Variants in TENM1 observed in about 807,000 individuals in gnomAD.
The protein encoded by TENM1 is teneurin-1.
A neutral mutation model predicts 174.8 loss-of-function variants in TENM1; 35 were observed. The ratio of observed to expected loss-of-function variants is 0.20; its 90% CI spans 0.15 to 0.27. The LOEUF (loss-of-function observed/expected upper bound fraction) is 0.27. Ranked by LOEUF, TENM1 falls within the 10% of genes least tolerant of loss-of-function variation. The probability of loss-of-function intolerance (pLI) is 1.00; values close to 1 mark genes in which losing one functional copy is unlikely to be tolerated. For missense variants in TENM1, 1,633 were observed against 2,130.1 expected (o/e 0.77, Z 4.59); for synonymous variants, 781 against 798.7 (o/e 0.98, Z 0.37).
intron 5 of TENM1, among the ~76,000 whole-genome samples, chrX:124,691,187 C>CTA (rs2148471597): frequency 9.0e-6 from 1 of 111,492 alleles, no homozygotes; most frequent in African/African-American, 3.3e-5. Flanking sequence ...AATGAGCCTA[C>CTA]TAAGTAAAGT....
chrX:124,809,018 G>A (rs1284797321), intron 3 of TENM1, among the ~76,000 whole-genome samples: 1 of 111,139 alleles, frequency 9.0e-6, no homozygotes, highest in Non-Finnish European at 1.9e-5. Context: ...AAAAACAACT[G>A]AAAAGATGAA....
intron 22 of TENM1, among the ~76,000 whole-genome samples, chrX:124,480,515 G>T: frequency 8.9e-6 from 1 of 112,175 alleles, no homozygotes; most frequent in Non-Finnish European, 1.9e-5. Flanking sequence ...ATAATACATT[G>T]TGTAAAACAG....
At chrX:124,804,783 C>T (rs1379765272) in intron 3 of TENM1, among the ~76,000 whole-genome samples, 1 of 111,667 alleles carries the variant, frequency 9.0e-6, no homozygotes, top group Non-Finnish European at 1.9e-5. Context: ...TATTCTATTT[C>T]GAGATATAGA....
the TENM1 span, among the ~76,000 whole-genome samples, chrX:124,977,166 A>G: frequency 9.0e-6 from 1 of 111,721 alleles, no homozygotes; most frequent in Non-Finnish European, 1.9e-5. Flanking sequence ...ACTAAAGATT[A>G]AATGCCCTTT....
rs753639585 is a variant in TENM1 at position 124,807,751 on chromosome X, C to T, written c.536-70554G>A. Among the ~76,000 whole-genome samples the T allele has an allele frequency of 2.7e-5, 3 of 110,875 alleles. No homozygotes were observed. In the South Asian group the frequency reaches 1.1e-3, roughly 42 times the overall value. ...GTCATCAAAGTTAAGTTGTGATAAG[C>T]TTAAAATAATCTGTTATGACTGCAA... On this transcript the variant is annotated intron_variant, in intron 3 of 31. Coordinates refer to ENST00000422452, the Ensembl canonical transcript of TENM1.
At chrX:125,108,504 T>C in the TENM1 span, among the ~76,000 whole-genome samples, 1 of 110,940 alleles carries the variant, frequency 9.0e-6, no homozygotes, top group East Asian at 2.9e-4. Flanking sequence ...GCAGATCACC[T>C]GAGGTCAGGA....
chrX:124,918,569 CA>C (rs11374085), intron 1 of TENM1, among the ~76,000 whole-genome samples: 3,676 of 50,054 alleles, frequency 0.073, 135 homozygotes, highest in African/African-American at 0.18. Flanking sequence ...AGAGAAATTA[CA>C]AAAAAAAAAA....
At chrX:124,871,080 G>T (rs952320703) in intron 3 of TENM1, among the ~76,000 whole-genome samples, 1 of 110,897 alleles carries the variant, frequency 9.0e-6, no homozygotes, top group Admixed American at 9.6e-5. Flanking sequence ...TACTGTGCAA[G>T]AGAACACCAG....
chrX:124,622,918 AC>A (rs1319361806), intron 11 of TENM1, among the ~76,000 whole-genome samples: 2 of 112,006 alleles, frequency 1.8e-5, no homozygotes, highest in Non-Finnish European at 3.8e-5. Flanking sequence ...GAGAGAGTTA[AC>A]TTTTAAAGGG....
chrX:125,155,986 C>G, the TENM1 span, among the ~76,000 whole-genome samples: 1 of 112,632 alleles, frequency 8.9e-6, no homozygotes, highest in Admixed American at 9.3e-5. Context: ...CGAGAGCGAG[C>G]GAGGGCTGTG....
At chrX:124,583,485 A>G (rs746832728) in intron 11 of TENM1, among the ~76,000 whole-genome samples, 1 of 111,885 alleles carries the variant, frequency 8.9e-6, no homozygotes, top group Non-Finnish European at 1.9e-5. Context: ...CCTGTCTGTT[A>G]GAAGGAAAAC....
chrX:124,803,248 T>C lies in TENM1; in HGVS notation c.536-66051A>G, dbSNP rs1005591041. Among the ~76,000 whole-genome samples, 3 of 112,136 alleles carry C rather than the reference T, an allele frequency of 2.7e-5. No homozygotes were observed. The East Asian group carries it at 8.4e-4, about 31-fold the overall frequency. On this transcript the variant is annotated intron_variant, in intron 3 of 31. Coordinates refer to ENST00000422452, the Ensembl canonical transcript of TENM1. ...TTATTAAAGAATTAAAGTATTACAG[T>C]TGCTCTTGAAACCCCCTTCTTACTG...
intron 1 of TENM1, among the ~76,000 whole-genome samples, chrX:124,913,530 A>C (rs145743635): frequency 0.017 from 1,904 of 111,900 alleles, 36 homozygotes; most frequent in African/African-American, 0.058. Context: ...ATTAATAGGT[A>C]TATAGGTCTA....
intron 3 of TENM1, among the ~76,000 whole-genome samples, chrX:124,796,942 C>CTT (rs1419375184): frequency 1.8e-5 from 2 of 111,784 alleles, no homozygotes; most frequent in African/African-American, 6.5e-5. Context: ...ACTAGCTTCT[C>CTT]TTTCATGAGA....
chrX:125,184,501 T>C, the TENM1 span, among the ~76,000 whole-genome samples: 1 of 111,808 alleles, frequency 8.9e-6, no homozygotes, highest in Non-Finnish European at 1.9e-5. Flanking sequence ...AAAGAAAGGC[T>C]AATAGAACTA....
At chrX:124,409,474 T>A (rs1223502431) in intron 25 of TENM1, among the ~76,000 whole-genome samples, 1 of 108,452 alleles carries the variant, frequency 9.2e-6, no homozygotes, top group Non-Finnish European at 1.9e-5. Flanking sequence ...AAGACAGGGA[T>A]GCCCTCTCTC....
chrX:124,416,292 T>C (rs2147725780), intron 25 of TENM1, among the ~76,000 whole-genome samples: 1 of 111,777 alleles, frequency 8.9e-6, no homozygotes, highest in Non-Finnish European at 1.9e-5. Context: ...ACAAATCTAT[T>C]TTCTGTCTTT....
intron 4 of TENM1, among the ~76,000 whole-genome samples, chrX:124,723,396 C>T (rs755935861): frequency 9.0e-6 from 1 of 111,412 alleles, no homozygotes; most frequent in Non-Finnish European, 1.9e-5. Flanking sequence ...GATTACTTTT[C>T]AGTCACCTAC....
At chrX:124,397,065 G>C (rs2060343440) in intron 27 of TENM1, among the ~76,000 whole-genome samples, 1 of 110,978 alleles carries the variant, frequency 9.0e-6, no homozygotes, top group African/African-American at 3.3e-5. Context: ...AGACAGGCCT[G>C]ATTGTTGTTC....
Sources: gnomAD v4.1 joint callset for allele counts (sites outside exome capture counted in the v4.1 genomes callset) on GRCh38, gnomAD v4.1.1 for gene constraint, MANE v1.5 for transcripts, NCBI Gene and HGNC (gene_info 2026-07-23, HGNC 2026-07-21) for gene names.